ADGRV1: variants seen among roughly 807,000 people sequenced by gnomAD.
ADGRV1 encodes adhesion G protein-coupled receptor V1.
In ADGRV1, 359 loss-of-function variants were observed where a neutral mutation model predicts 596.2. The ratio of observed to expected loss-of-function variants is 0.60; its 90% CI spans 0.55 to 0.66. The LOEUF (loss-of-function observed/expected upper bound fraction) is 0.66, where lower values mean the gene tolerates loss of function less well. ADGRV1 is among the 30% of genes least tolerant of loss of function. The probability of loss-of-function intolerance (pLI) is 0.00; values close to 1 mark genes in which losing one functional copy is unlikely to be tolerated. For missense variants in ADGRV1, 7,274 were observed against 7,575.6 expected (o/e 0.96, Z 1.48); for synonymous variants, 2,681 against 2,679.2 (o/e 1.00, Z -0.02).
Position 90,622,661 on chromosome 5 carries a change from G to T in ADGRV1, c.518G>T (p.Arg173Met). The T allele has an allele frequency of 6.4e-7, 1 of 1,556,438 alleles. No individual in the cohort carries two copies. The highest frequency in any genetic ancestry group is 1.8e-5 in the Admixed American group (1 of 55,766). The change falls in exon 5 of 90, where the codon AGG becomes ATG. Residue 173 changes from arginine to methionine, a missense_variant. Arg to Met is a moderately conservative substitution (Grantham distance 91). Transcript: ENST00000405460. Reference protein sequence around the residue: ...RNESMPLTLIREKGTYGMVMV... With the variant: ...RNESMPLTLIMEKGTYGMVMV... The stretch of plus-strand genomic sequence containing the variant: ...GAGTCTATGCCTCTTACTCTCATCA[G>T]GGAAAAGGGAACCTATGGAATGGTC...
chr5:91,154,247 C>T (rs1432827081), intron 89 of ADGRV1, among the ~76,000 whole-genome samples: 3 of 152,188 alleles, frequency 2.0e-5, no homozygotes, highest in Non-Finnish European at 4.4e-5. Context: ...TTCTAGATAA[C>T]CACATAAGCA....
At chr5:90,681,022 G>A (rs1479716481) in intron 26 of ADGRV1, among the ~76,000 whole-genome samples, 1 of 152,214 alleles carries the variant, frequency 6.6e-6, no homozygotes, top group East Asian at 1.9e-4. Context: ...TATACTCTGT[G>A]TGGAAGAATG....
intron 4 of ADGRV1, among the ~76,000 whole-genome samples, chr5:90,619,638 A>C (rs567761008): frequency 6.6e-6 from 1 of 152,010 alleles, no homozygotes; most frequent in Non-Finnish European, 1.5e-5. Flanking sequence ...TTTAGGGTAC[A>C]TGTGCACAAC....
At chr5:91,043,278 G>T (rs1785519761) in intron 85 of ADGRV1, among the ~76,000 whole-genome samples, 1 of 152,110 alleles carries the variant, frequency 6.6e-6, no homozygotes, top group South Asian at 2.1e-4. Flanking sequence ...ATACAGTTCT[G>T]TTAAATACTA....
intron 85 of ADGRV1, among the ~76,000 whole-genome samples, chr5:91,025,462 C>T (rs1220314073): frequency 2.0e-5 from 3 of 151,918 alleles, no homozygotes; most frequent in Non-Finnish European, 1.5e-5. Context: ...AAATCAATGA[C>T]CTTTGTGGAC....
intron 86 of ADGRV1, among the ~76,000 whole-genome samples, chr5:91,083,632 C>T (rs1789614731): frequency 6.6e-6 from 1 of 152,202 alleles, no homozygotes; most frequent in Non-Finnish European, 1.5e-5. Context: ...CTCTCAGTTG[C>T]TTTAGCATAA....
Position 90,829,093 on chromosome 5 carries a change from G to A in ADGRV1, c.16518G>A (p.Leu5506=), listed in dbSNP as rs1764309294. The A allele has an allele frequency of 1.2e-6, 2 of 1,612,228 alleles. No homozygotes were observed. The highest frequency in any genetic ancestry group is 1.7e-5 in the Admixed American group (1 of 59,958). ...SLVYFSVGSR[L]AVAHKKATLI... is the part of the protein sequence containing the mutation. ...TGTATTTTTCTGTGGGTTCTCGGCT[G>A]GCAGTGGCTCACAAGAAGGCCACTT... Residue 5506 remains leucine (L), a synonymous_variant, in exon 77 of 90, where the codon CTG becomes CTA. Transcript: ENST00000405460.
chr5:90,717,017 C>T (rs1369719500), intron 43 of ADGRV1: 2 of 216,950 alleles, frequency 9.2e-6, no homozygotes, highest in African/African-American at 2.3e-5. Flanking sequence ...TTGCATATGT[C>T]ACTTTATATT....
chr5:90,791,200 G>T lies in ADGRV1; in HGVS notation c.14371G>T (p.Ala4791Ser), dbSNP rs753503932. 6 of 1,613,782 alleles carry T rather than the reference G, an allele frequency of 3.7e-6. No homozygotes were observed. Among genetic ancestry groups the T allele is most frequent in the Admixed American group, 3.3e-5 (2 of 59,962 alleles). Residue 4791 changes from alanine (A) to serine (S), a missense_variant, in exon 70 of 90, where the codon GCT becomes TCT. Ala to Ser is a moderately conservative substitution (Grantham distance 99). This residue lies in a region of ADGRV1 where 1,874 missense variants were observed against 1,970.2 expected (regional missense o/e 0.95). Transcript: ENST00000405460. ...RSIQINITRL[A>S]GTFGDVAVGL... ...CATCCAAATTAACATAACCCGGCTT[G>T]CTGGAACATTTGGAGATGTGGCTGT...
intron 84 of ADGRV1, among the ~76,000 whole-genome samples, chr5:90,976,318 GTGTGTATATA>G (rs1303253634): frequency 1.5e-4 from 18 of 120,802 alleles, no homozygotes; most frequent in Non-Finnish European, 2.4e-4. Flanking sequence ...GTGTGTGTGT[GTGTGTATATA>G]TATATATATA....
intron 42 of ADGRV1, among the ~76,000 whole-genome samples, chr5:90,715,800 A>G (rs1225408331): frequency 3.3e-5 from 5 of 152,156 alleles, no homozygotes; most frequent in Non-Finnish European, 7.3e-5. Context: ...ATGTCCTTCA[A>G]TCATAGGTTC....
intron 86 of ADGRV1, among the ~76,000 whole-genome samples, chr5:91,090,669 T>C (rs939007384): frequency 5.9e-5 from 9 of 151,940 alleles, no homozygotes; most frequent in Non-Finnish European, 1.0e-4. Context: ...ATCATGCTTG[T>C]ATCCTTCACA....
intron 84 of ADGRV1, among the ~76,000 whole-genome samples, chr5:90,975,394 A>G (rs1186738244): frequency 1.2e-4 from 18 of 152,310 alleles, no homozygotes; most frequent in African/African-American, 3.6e-4. Flanking sequence ...ATAAAGACAC[A>G]TGCACGTGTA....
chr5:90,708,964 A>T, intron 39 of ADGRV1, 55 bp downstream of exon 39: 6 of 1,199,818 alleles, frequency 5.0e-6, no homozygotes, highest in Non-Finnish European at 7.4e-6. Context: ...AAATGAAGAA[A>T]CTTCATTTTT....
chr5:90,966,392 C>T (rs141021818), intron 84 of ADGRV1, among the ~76,000 whole-genome samples: 4,451 of 151,790 alleles, frequency 0.029, 216 homozygotes, highest in African/African-American at 0.1. Flanking sequence ...ATTAGCTGGG[C>T]GTGGTGGTGG....
chr5:90,663,456 GTTGT>G (rs1770741175), intron 21 of ADGRV1, among the ~76,000 whole-genome samples: 2 of 149,560 alleles, frequency 1.3e-5, no homozygotes, highest in Admixed American at 6.7e-5. Flanking sequence ...TTTTGATGGG[GTTGT>G]TTGTTTTTTT....
chr5:90,895,975 TG>T (rs1205589472), intron 83 of ADGRV1, among the ~76,000 whole-genome samples: 2 of 152,062 alleles, frequency 1.3e-5, no homozygotes, highest in Non-Finnish European at 2.9e-5. Context: ...TGCTCTATTC[TG>T]TTTAGGAGGG....
intron 84 of ADGRV1, among the ~76,000 whole-genome samples, chr5:90,978,159 G>C (rs60564653): frequency 3.3e-5 from 5 of 152,094 alleles, no homozygotes. Flanking sequence ...GCCAGGCATG[G>C]TGGCAGGCGC....
chr5:90,906,023 A>G (rs1466120550), intron 83 of ADGRV1, among the ~76,000 whole-genome samples: 1 of 152,126 alleles, frequency 6.6e-6, no homozygotes, highest in Non-Finnish European at 1.5e-5. Context: ...CTCTTGATAT[A>G]TCACATTGAT....
Sources: allele counts gnomAD v4.1 joint callset (sites outside exome capture counted in the v4.1 genomes callset), GRCh38; gene constraint gnomAD v4.1.1; regional missense constraint gnomAD v4.1.1; transcripts MANE v1.5; gene names NCBI Gene and HGNC (gene_info 2026-07-23, HGNC 2026-07-21).